The following IGSF1 variants were observed in gnomAD, a reference collection of about 807,000 sequenced individuals.
The protein encoded by IGSF1 is immunoglobulin-like domain-containing protein 1.
IGSF1 carries 40 observed loss-of-function variants against 95.3 expected under a neutral mutation model. The ratio of observed to expected loss-of-function variants is 0.42; its 90% confidence interval spans 0.33 to 0.55. The LOEUF (loss-of-function observed/expected upper bound fraction) is 0.55, where lower values mean the gene tolerates loss of function less well. Among genes scored for constraint, IGSF1 ranks in the 20% least tolerant of loss-of-function variants. IGSF1 has a pLI of 0.10. For missense variants in IGSF1, 906 were observed against 1,025.4 expected, an observed-to-expected ratio of 0.88 and a Z score of 1.59; for synonymous variants, 372 against 382.9, an observed-to-expected ratio of 0.97 and a Z score of 0.33.
chrX:131,282,444 C>T lies in IGSF1; in HGVS notation c.1246G>A (p.Asp416Asn). 8.3e-7 allele frequency: 1 copy of T among 1,197,808 alleles called. No homozygotes were observed. The highest frequency in any genetic ancestry group is 1.1e-6 in the Non-Finnish European group (1 of 884,309). ...AATAAAAACAGTTGTTAACACTTGC[C>T]TACAACCATAAGCTCCACAGTGTTG... ...SHNTVELMVV[D>N]KPPKPSLSAW... Residue 416 changes from aspartate to asparagine, a missense_variant and splice_region_variant, in exon 7 of 20, where the codon GAT becomes AAT. Physicochemically the swap from Asp to Asn is conservative, Grantham distance 23. Around this residue, in one of 5 missense-constraint regions of IGSF1, gnomAD observed 442 missense variants for 448.1 expected, o/e 0.99. Transcript: ENST00000361420.
chrX:131,283,868 G>GC, intron 5 of IGSF1, among the ~76,000 whole-genome samples: 1 of 111,723 alleles, frequency 9.0e-6, no homozygotes, highest in East Asian at 2.8e-4. Context: ...CCACCCCAAT[G>GC]CCAGGCACAC....
Position 131,274,669 on chromosome X carries a change from G to A in IGSF1, c.3681C>T (p.Ser1227=), listed in dbSNP as rs1304120384. Residue 1227 remains serine (S), a synonymous_variant, in exon 18 of 20, where the codon AGC becomes AGT. Coordinates refer to ENST00000361420, the MANE Select transcript of IGSF1 (RefSeq NM_001555.5). ...TATCAGGGTAGGCCTGGAGGCGGTA[G>A]CTGCAGCTGTAGTTTCCAATGCCTT... ...EGKGIGNYSC[S]YRLQAYPDIW... The A allele has an allele frequency of 1.7e-6, 2 of 1,211,478 alleles. No homozygotes were observed. The highest frequency in any genetic ancestry group is 2.3e-4 in the Middle Eastern group (1 of 4,353).
In IGSF1 at chrX:131,283,280, A is replaced by T; in HGVS notation, c.668-16T>A. 1 of 1,166,114 alleles carries T rather than the reference A, an allele frequency of 8.6e-7. No individual in the cohort carries two copies. The highest frequency in any genetic ancestry group is 1.2e-6 in the Non-Finnish European group (1 of 866,719). On this transcript the variant is annotated splice_polypyrimidine_tract_variant and intron_variant, in intron 5 of 19. Transcript: ENST00000361420. Reference sequence around the variant, plus strand: ...GGGTAGAGTCCTACAAACGGAAGAGACCCTAAAGTTAGAGGCAAGATGATT... The same window carrying T: ...GGGTAGAGTCCTACAAACGGAAGAGTCCCTAAAGTTAGAGGCAAGATGATT...
Position 131,278,850 on chromosome X carries a change from C to G in IGSF1, c.1751-99G>C, listed in dbSNP as rs1267505404. On this transcript the variant is annotated intron_variant, in intron 11 of 19. Transcript: ENST00000361420. ...TACCCAGATCACACTGCCCACCTCC[C>G]CTTGCAACCCAAATCCAAACCCTTT... 11 of 776,996 alleles carry G rather than the reference C, an allele frequency of 1.4e-5. No individual in the cohort carries two copies. The East Asian group carries it at 2.2e-4, about 16-fold the overall frequency. 64.0% of individuals were successfully genotyped at this position (776,996 alleles called of 1,213,427 possible). A position where few individuals can be genotyped will look rare whatever the true frequency, so the allele number is the denominator to read the frequency against.
Position 131,275,949 on chromosome X carries a change from G to C in IGSF1, c.2896+12C>G, listed in dbSNP as rs766446436. ...GATCTCCATCCCAGTCCCATGTCCG[G>C]TCGGTCCTTACCAGTCACCCAGATC... On this transcript the variant is annotated intron_variant, in intron 15 of 19. Transcript: ENST00000361420. The C allele has an allele frequency of 1.2e-5, 14 of 1,203,306 alleles. No homozygotes were observed. Among genetic ancestry groups the C allele is most frequent in the South Asian group, 1.8e-5 (1 of 55,862 alleles).
rs1203919457 is a variant in IGSF1, at chrX:131,276,065, G to A, written c.2792C>T (p.Thr931Ile). The change falls in exon 15 of 20, where the codon ACT becomes ATT. Residue 931 changes from threonine (T) to isoleucine (I), a missense_variant. Transcript: ENST00000361420. ...GTTCCCAGAGTCCTCTGCTCCAACAGTGTGGAGAAGGAAGTCAGCTGAGTT... is the reference window on the plus strand; with the variant it reads ...GTTCCCAGAGTCCTCTGCTCCAACAATGTGGAGAAGGAAGTCAGCTGAGTT... Reference protein sequence around the residue: ...SGNSADFLLHTVGAEDSGNYS... With the variant: ...SGNSADFLLHIVGAEDSGNYS... The A allele has an allele frequency of 3.3e-6, 4 of 1,208,636 alleles. No homozygotes were observed. The highest frequency in any genetic ancestry group is 3.0e-5 in the East Asian group (1 of 33,834).
intron 11 of IGSF1, 76 bp from the exon 12 acceptor site, chrX:131,278,827 C>G (rs2080513620): frequency 1.0e-6 from 1 of 965,590 alleles, no homozygotes. Context: ...GAACCCTCTA[C>G]CCAGATCACA....
intron 1 of IGSF1, among the ~76,000 whole-genome samples, chrX:131,287,145 GTATA>G (rs1177589460): frequency 2.1e-5 from 2 of 95,239 alleles, no homozygotes; most frequent in African/African-American, 3.8e-5. Flanking sequence ...ATATATGTGT[GTATA>G]TATATACGTA....
chrX:131,277,501 G>A, intron 13 of IGSF1: 5 of 368,358 alleles, frequency 1.4e-5, no homozygotes, highest in Non-Finnish European at 2.3e-5. Context: ...ATTTTTCTTG[G>A]GGTTCTGCTG....
rs200115183 is a variant in IGSF1 at position 131,275,952 on chromosome X, G to A, written c.2896+9C>T. 15 of 1,203,852 alleles carry A rather than the reference G, an allele frequency of 1.2e-5. No individual in the cohort carries two copies. The highest frequency in any genetic ancestry group is 7.2e-5 in the South Asian group (4 of 55,841). On this transcript the variant is annotated intron_variant, in intron 15 of 19. Transcript: ENST00000361420. Reference sequence around the variant, plus strand: ...CTCCATCCCAGTCCCATGTCCGGTCGGTCCTTACCAGTCACCCAGATCATA... The same window carrying A: ...CTCCATCCCAGTCCCATGTCCGGTCAGTCCTTACCAGTCACCCAGATCATA...
chrX:131,285,349 T>G lies in IGSF1; in HGVS notation c.497A>C (p.Glu166Ala). 1 of 1,211,701 alleles carries G rather than the reference T, an allele frequency of 8.3e-7. No individual in the cohort carries two copies. ...LQDLVFMLFKEGYAEPVDYQV... is the reference protein window; with the variant it reads ...LQDLVFMLFKAGYAEPVDYQV... ...GTAATCCACAGGCTCTGCATATCCC[T>G]CTTTAAACAGCATGAATACCAAATC... The change falls in exon 5 of 20, where the codon GAG (glutamate) becomes GCG (alanine). Residue 166 changes from glutamate (E) to alanine (A), a missense_variant. This residue lies in a region of IGSF1 where 442 missense variants were observed against 448.1 expected (regional missense o/e 0.99). Transcript: ENST00000361420.
chrX:131,273,951 T>G lies in IGSF1; in HGVS notation c.3876-20A>C. ...GAGCCTCTATGTAAAGAAAAAGACA[T>G]GAGTAAGGGAGGACCCAGAAACTGA... On this transcript the variant is annotated intron_variant, in intron 19 of 19. Coordinates refer to ENST00000361420, the MANE Select transcript of IGSF1 (RefSeq NM_001555.5). 8.3e-7 allele frequency: 1 copy of G among 1,205,643 alleles called. No homozygotes were observed. The highest frequency in any genetic ancestry group is 1.8e-5 in the South Asian group (1 of 56,153).
intron 1 of IGSF1, among the ~76,000 whole-genome samples, 171 bp from the exon 2 acceptor site, chrX:131,286,912 C>T (rs892122849): frequency 5.4e-5 from 6 of 110,737 alleles, no homozygotes; most frequent in African/African-American, 2.0e-4. Flanking sequence ...CTTCCCTATC[C>T]TGCTCAAGGT....
rs773228853 is a variant in IGSF1, at chrX:131,277,256, AAAAAC to A, written c.2321-35_2321-31del. ...AAGGCAAAAAACAAAAACAAAAACA[AAAAAC>A]AAAATACAACACAAAACCAAATTAA... On this transcript the variant is annotated intron_variant, in intron 13 of 19. Coordinates refer to ENST00000361420, the MANE Select transcript of IGSF1 (RefSeq NM_001555.5). 8 of 1,131,226 alleles carry A rather than the reference AAAAAC, an allele frequency of 7.1e-6. No homozygotes were observed. The East Asian group carries it at 2.4e-4, about 34-fold the overall frequency. 93.2% of individuals were successfully genotyped at this position (1,131,226 alleles called of 1,213,427 possible).
At position 131,278,596 on chromosome X, in the gene IGSF1, G is replaced by T. The variant is rs1185245635; in HGVS notation, c.1906C>A (p.Pro636Thr). The change falls in exon 12 of 20, where the codon CCG becomes ACG. Residue 636 changes from proline to threonine, a missense_variant. Pro to Thr is a conservative substitution (Grantham distance 38). Transcript: ENST00000361420. The part of the protein sequence containing the change: ...KDGTGWIATR[P>T]ASEQVRAAFP... ...GCAGCCCGGACCTGCTCTGAGGCCG[G>T]GCGAGTGGCGATCCACCCGGTCCCA... 8.3e-7 allele frequency: 1 copy of T among 1,211,555 alleles called. No individual in the cohort carries two copies. The highest frequency in any genetic ancestry group is 1.1e-6 in the Non-Finnish European group (1 of 895,351).
chrX:131,277,035 A>C lies in IGSF1; in HGVS notation c.2512T>G (p.Ser838Ala). Residue 838 changes from serine (S) to alanine (A), a missense_variant, in exon 14 of 20, where the codon TCG (serine) becomes GCG (alanine). Around this residue, in one of 5 missense-constraint regions of IGSF1, gnomAD observed 411 missense variants for 494.9 expected, o/e 0.83. Coordinates refer to ENST00000361420, the MANE Select transcript of IGSF1 (RefSeq NM_001555.5). Reference protein sequence around the residue: ...GASAAHFLIISVGIGDGGNYS... With the variant: ...GASAAHFLIIAVGIGDGGNYS... ...TTCCCTCCATCACCAATGCCCACCG[A>C]AATGATTAGAAAGTGAGCTGCACTG... 1 of 1,210,914 alleles carries C rather than the reference A, an allele frequency of 8.3e-7. No homozygotes were observed. Among genetic ancestry groups the C allele is most frequent in the Non-Finnish European group, 1.1e-6 (1 of 895,088 alleles).
In IGSF1 at chrX:131,278,390, A is replaced by G. The variant is rs767349647; in HGVS notation, c.2041+71T>C. Reference sequence around the variant, plus strand: ...AGGGTCCCTGTGAGTTCATTCCCTCACTCCCAGGAGCAGTGTTGGAGTCCC... The same window carrying G: ...AGGGTCCCTGTGAGTTCATTCCCTCGCTCCCAGGAGCAGTGTTGGAGTCCC... On this transcript the variant is annotated intron_variant, in intron 12 of 19. Coordinates refer to ENST00000361420, the MANE Select transcript of IGSF1 (RefSeq NM_001555.5). The G allele has an allele frequency of 6.2e-5, 61 of 989,660 alleles. 1 individual carries two copies. In the African/African-American group the frequency reaches 1.2e-3, roughly 19 times the overall value. 81.6% of individuals were successfully genotyped at this position (989,660 alleles called of 1,213,427 possible). A position where few individuals can be genotyped will look rare whatever the true frequency, so the allele number is the denominator to read the frequency against.
At chrX:131,280,550 A>G (rs1334829775) in intron 9 of IGSF1, among the ~76,000 whole-genome samples, 1 of 111,776 alleles carries the variant, frequency 8.9e-6, no homozygotes, top group African/African-American at 3.3e-5. Flanking sequence ...AGCCATGGGG[A>G]TGAGAGAGGC....
chrX:131,278,879 T>C, intron 11 of IGSF1, 128 bp from the exon 12 acceptor site: 1 of 653,128 alleles, frequency 1.5e-6, no homozygotes, highest in Non-Finnish European at 2.4e-6. Flanking sequence ...ACCCTTTCCT[T>C]CTTTCCTTCC....
Sources: allele counts gnomAD v4.1 joint callset (sites outside exome capture counted in the v4.1 genomes callset), GRCh38; gene constraint gnomAD v4.1.1; regional missense constraint gnomAD v4.1.1; transcripts MANE v1.5; gene names NCBI Gene and HGNC (gene_info 2026-07-23, HGNC 2026-07-21).